ZFAT: variants seen among roughly 807,000 people sequenced by gnomAD.
The protein encoded by ZFAT is zinc finger and AT-hook domain containing.
ZFAT carries 64 observed loss-of-function variants against 117.7 expected under a neutral mutation model. The ratio of observed to expected loss-of-function variants is 0.54; its 90% CI spans 0.44 to 0.67. The LOEUF is 0.67. Among genes scored for constraint, ZFAT ranks in the 30% least tolerant of loss-of-function variants. ZFAT has a pLI of 0.00. For missense variants in ZFAT, 1,433 were observed against 1,584.5 expected, an observed-to-expected ratio of 0.90 and a Z score of 1.62; for synonymous variants, 679 against 615.0, an observed-to-expected ratio of 1.10 and a Z score of -1.54.
chr8:134,709,374 G>A (rs1813902282), intron 1 of ZFAT, among the ~76,000 whole-genome samples: 1 of 152,238 alleles, frequency 6.6e-6, no homozygotes, highest in Non-Finnish European at 1.5e-5. Context: ...CTTTGCCGGT[G>A]AAGGGACTGG....
chr8:134,514,355 G>C (rs1820091512), intron 13 of ZFAT, among the ~76,000 whole-genome samples: 1 of 152,186 alleles, frequency 6.6e-6, no homozygotes, highest in Admixed American at 6.5e-5. Context: ...ATTGACACTC[G>C]AGTGTCTATT....
chr8:134,709,413 G>C (rs1056465248), intron 1 of ZFAT, among the ~76,000 whole-genome samples: 2 of 152,198 alleles, frequency 1.3e-5, no homozygotes, highest in Admixed American at 1.3e-4. Flanking sequence ...ACTTCCCTTA[G>C]GTCAGGAATC....
At chr8:134,828,293 A>AT in the ZFAT span, among the ~76,000 whole-genome samples, 1 of 152,340 alleles carries the variant, frequency 6.6e-6, no homozygotes, top group East Asian at 1.9e-4. Context: ...ATAATATTCA[A>AT]TTATGCTAAG....
At chr8:134,483,809 GCT>G (rs1239613245) in intron 15 of ZFAT, among the ~76,000 whole-genome samples, 1 of 152,198 alleles carries the variant, frequency 6.6e-6, no homozygotes, top group African/African-American at 2.4e-5. Context: ...ACTTTGCTGG[GCT>G]CTCTTCGTGC....
At chr8:134,816,013 A>G in the ZFAT span, among the ~76,000 whole-genome samples, 1 of 152,202 alleles carries the variant, frequency 6.6e-6, no homozygotes, top group Admixed American at 6.5e-5. Flanking sequence ...CTCTAATTCC[A>G]GAGTCTGGAA....
chr8:134,734,590 G>A, the ZFAT span, among the ~76,000 whole-genome samples: 1 of 151,876 alleles, frequency 6.6e-6, no homozygotes, highest in African/African-American at 2.4e-5. Context: ...AGTAAAAGAG[G>A]GGTGGGCAGG....
At chr8:134,531,439 C>G (rs1821394866) in intron 12 of ZFAT, among the ~76,000 whole-genome samples, 1 of 152,202 alleles carries the variant, frequency 6.6e-6, no homozygotes, top group Non-Finnish European at 1.5e-5. Flanking sequence ...GATGGCTCCA[C>G]AATTCCTAGA....
At chr8:134,760,003 G>C in the ZFAT span, among the ~76,000 whole-genome samples, 9 of 139,386 alleles carry the variant, frequency 6.5e-5, no homozygotes, top group East Asian at 2.0e-3. Context: ...AACAGAGGCC[G>C]GGTGCGGTGG....
the ZFAT span, among the ~76,000 whole-genome samples, chr8:134,722,461 C>T: frequency 6.6e-6 from 1 of 152,344 alleles, no homozygotes; most frequent in Non-Finnish European, 1.5e-5. Flanking sequence ...TGTACAAGCT[C>T]TCACCTGGCC....
At chr8:134,487,509 C>T (rs1248163916) in intron 15 of ZFAT, among the ~76,000 whole-genome samples, 1 of 152,158 alleles carries the variant, frequency 6.6e-6, no homozygotes, top group Non-Finnish European at 1.5e-5. Context: ...AAGTGAAAAA[C>T]CTCCAAAGCC....
the ZFAT span, among the ~76,000 whole-genome samples, chr8:134,750,554 T>C: frequency 6.6e-6 from 1 of 152,192 alleles, no homozygotes; most frequent in Non-Finnish European, 1.5e-5. Flanking sequence ...ATTTATATGT[T>C]TTAAATGGCA....
rs972749178 is a variant in ZFAT at position 134,565,276 on chromosome 8, T to C, written c.2976+57A>G. 8 of 1,608,834 alleles carry C rather than the reference T, an allele frequency of 5.0e-6. No homozygotes were observed. In the African/African-American group the frequency reaches 9.4e-5, roughly 19 times the overall value. On this transcript the variant is annotated intron_variant, in intron 11 of 15. Coordinates refer to ENST00000377838, the MANE Select transcript of ZFAT (RefSeq NM_020863.4). ...AAGAATGCTCTCTCCATCTTCACTT[T>C]GAAAAGCAACGCCTTTTTTGTCTGA...
At chr8:134,563,089 T>C (rs1824163769) in intron 11 of ZFAT, among the ~76,000 whole-genome samples, 1 of 152,224 alleles carries the variant, frequency 6.6e-6, no homozygotes. Flanking sequence ...CCCAAAGAAG[T>C]ACACCTATAT....
At chr8:134,747,595 A>T in the ZFAT span, among the ~76,000 whole-genome samples, 3 of 152,214 alleles carry the variant, frequency 2.0e-5, no homozygotes, top group Non-Finnish European at 2.9e-5. Context: ...TCCCTCCAAA[A>T]TATAGCCAAA....
At chr8:134,743,241 C>T in the ZFAT span, among the ~76,000 whole-genome samples, 7 of 152,328 alleles carry the variant, frequency 4.6e-5, no homozygotes, top group East Asian at 1.2e-3. Flanking sequence ...GTAATCTCAA[C>T]ACTTCGGGAG....
chr8:134,495,036 T>C (rs752594097), intron 15 of ZFAT, among the ~76,000 whole-genome samples: 83 of 152,144 alleles, frequency 5.5e-4, no homozygotes, highest in Non-Finnish European at 5.7e-4. Flanking sequence ...TTTGGCCTGG[T>C]CTTAAGTCTC....
At chr8:134,592,934 C>T (rs72719774) in intron 7 of ZFAT, among the ~76,000 whole-genome samples, 7,353 of 152,336 alleles carry the variant, frequency 0.048, 277 homozygotes, top group Non-Finnish European at 0.077. Context: ...GCCAACCACA[C>T]ATGTCCAAGG....
intron 12 of ZFAT, among the ~76,000 whole-genome samples, chr8:134,525,082 T>C (rs933826617): frequency 6.6e-5 from 10 of 152,254 alleles, no homozygotes; most frequent in African/African-American, 1.9e-4. Context: ...GCCTTTGCTA[T>C]TGTCCACTGT....
chr8:134,484,753 A>G (rs1448662839), intron 15 of ZFAT, among the ~76,000 whole-genome samples: 1 of 152,222 alleles, frequency 6.6e-6, no homozygotes, highest in Admixed American at 6.5e-5. Context: ...GCGAACGCCA[A>G]GTAGATTTTC....
Sources: allele counts gnomAD v4.1 joint callset (sites outside exome capture counted in the v4.1 genomes callset), GRCh38; gene constraint gnomAD v4.1.1; transcripts MANE v1.5; gene names NCBI Gene and HGNC (gene_info 2026-07-23, HGNC 2026-07-21).